ADAP1: variants seen among roughly 807,000 people sequenced by gnomAD.
The protein encoded by ADAP1 is ArfGAP with dual PH domains 1.
A neutral mutation model predicts 54.9 loss-of-function variants in ADAP1; 31 were observed. The observed-to-expected ratio is 0.56, with a 90% CI of 0.42 to 0.76. The LOEUF (loss-of-function observed/expected upper bound fraction) is 0.76, where lower values mean the gene tolerates loss of function less well. ADAP1 is among the 30% of genes least tolerant of loss of function. ADAP1 has a pLI of 0.00. For missense variants in ADAP1, 535 were observed against 512.4 expected (o/e 1.04, Z -0.42); for synonymous variants, 313 against 202.6 (o/e 1.55, Z -4.63).
chr7:921,478 A>G (rs1846189659), intron 3 of ADAP1, among the ~76,000 whole-genome samples: 1 of 152,140 alleles, frequency 6.6e-6, no homozygotes, highest in African/African-American at 2.4e-5. Flanking sequence ...CACCACCACG[A>G]CTTGGTAATT....
chr7:950,571 T>C (rs1403360305), intron 1 of ADAP1, among the ~76,000 whole-genome samples: 8 of 151,468 alleles, frequency 5.3e-5, no homozygotes, highest in Admixed American at 3.9e-4. Context: ...AGACAGAAAG[T>C]TGAGGCCAGG....
At chr7:925,919 A>G in intron 3 of ADAP1, among the ~76,000 whole-genome samples, 1 of 152,174 alleles carries the variant, frequency 6.6e-6, no homozygotes, top group East Asian at 1.9e-4. Flanking sequence ...CCAGTGGGCC[A>G]ACACGTCTTT....
chr7:935,261 G>C, intron 2 of ADAP1, 114 bp downstream of exon 2: 4 of 1,423,068 alleles, frequency 2.8e-6, no homozygotes, highest in South Asian at 1.3e-5. Context: ...GGCCCCCAGA[G>C]TAGCCCAAGG....
intron 4 of ADAP1, among the ~76,000 whole-genome samples, chr7:909,460 A>G (rs1845631272): frequency 6.6e-6 from 1 of 152,088 alleles, no homozygotes; most frequent in African/African-American, 2.4e-5. Flanking sequence ...AGGACGCCGC[A>G]TTCCAGGGGC....
Position 905,176 on chromosome 7 carries a change from TG to T in ADAP1, c.389-5del, listed in dbSNP as rs747994460. 1.7e-5 allele frequency: 27 copies of T among 1,602,828 alleles called. No homozygotes were observed. The African/African-American group carries it at 2.9e-4, about 17-fold the overall frequency. On this transcript the variant is annotated splice_region_variant and splice_polypyrimidine_tract_variant and intron_variant, in intron 4 of 10. Coordinates refer to ENST00000265846, the MANE Select transcript of ADAP1 (RefSeq NM_006869.4). ...CAGAGAAAACCCTCACGGTACCCTG[TG>T]GGGGAAAGGGGACACGAGTCGGTGA...
intron 1 of ADAP1, among the ~76,000 whole-genome samples, chr7:947,774 G>A (rs1004126340): frequency 3.3e-5 from 5 of 151,752 alleles, no homozygotes; most frequent in African/African-American, 9.7e-5. Flanking sequence ...ACCCTGTGAC[G>A]CGTCGTGGGC....
chr7:926,603 A>G lies in ADAP1; in HGVS notation c.255T>C (p.Phe85=). ...SHGNDAARAR[F]ESKVPSFYYR... ...AGTAGAAGGAGGGTACTTTGGACTC[A>G]AACCTGGCTCTCGCGGCGTCGTTCC... Residue 85 remains phenylalanine (F), a synonymous_variant, in exon 3 of 11, where the codon TTT becomes TTC. Coordinates refer to ENST00000265846, the MANE Select transcript of ADAP1 (RefSeq NM_006869.4). This position sits in a 1 kb window ranked among gnomAD's most constrained non-coding sequence, Gnocchi z 4.6. The G allele has an allele frequency of 6.5e-7, 1 of 1,545,432 alleles. No individual in the cohort carries two copies. The highest frequency in any genetic ancestry group is 2.0e-5 in the Admixed American group (1 of 49,192).
At chr7:910,098 G>A (rs1010156535) in intron 4 of ADAP1, among the ~76,000 whole-genome samples, 4 of 152,212 alleles carry the variant, frequency 2.6e-5, no homozygotes, top group Non-Finnish European at 5.9e-5. Context: ...TGTGGGCGGG[G>A]ACGCCGGCCC....
intron 4 of ADAP1, among the ~76,000 whole-genome samples, chr7:915,169 C>T (rs1005646799): frequency 6.6e-6 from 1 of 151,892 alleles, no homozygotes; most frequent in African/African-American, 2.4e-5. Context: ...ACCCTGCTGC[C>T]AGGTAACACC....
At position 935,430 on chromosome 7, in the gene ADAP1, T is replaced by C. The variant is rs1846722016; in HGVS notation, c.158A>G (p.Gln53Arg). Residue 53 changes from glutamine (Q) to arginine (R), a missense_variant, in exon 2 of 11, where the codon CAG (glutamine) becomes CGG (arginine). Gln to Arg is a conservative substitution (Grantham distance 43). Transcript: ENST00000265846. ...SCSGIHRNIP[Q>R]VSKVKSVRLD... ...GCGGACGGACTTCACCTTGCTGACC[T>C]GGGGGATATTCCGGTGGATTCCCGA... is the stretch of plus-strand genomic sequence containing the variant. The C allele has an allele frequency of 1.5e-5, 23 of 1,560,446 alleles. No individual in the cohort carries two copies. Among genetic ancestry groups the C allele is most frequent in the Non-Finnish European group, 2.0e-5 (23 of 1,152,046 alleles).
chr7:931,454 C>T (rs1412526273), intron 2 of ADAP1, among the ~76,000 whole-genome samples: 1 of 152,132 alleles, frequency 6.6e-6, no homozygotes, highest in African/African-American at 2.4e-5. Flanking sequence ...GGACCTGGCA[C>T]CGCGGGAAAG....
chr7:913,876 G>A (rs925729513), intron 4 of ADAP1, among the ~76,000 whole-genome samples: 5 of 152,146 alleles, frequency 3.3e-5, no homozygotes, highest in Non-Finnish European at 5.9e-5. Context: ...TGGACATTGC[G>A]GTGAGCTGAG....
Position 900,659 on chromosome 7 carries a change from A to G in ADAP1, c.649-43T>C, listed in dbSNP as rs200779642. ...CACAGGCTTGGGCTGAGGAGGCTGC[A>G]GCGCTGGGGTCCCCACAGAGGGGCT... On this transcript the variant is annotated intron_variant, in intron 6 of 10. Coordinates refer to ENST00000265846, the MANE Select transcript of ADAP1 (RefSeq NM_006869.4). 803 of 1,480,612 alleles carry G rather than the reference A, an allele frequency of 5.4e-4. 7 individuals carry two copies. In the East Asian group the frequency reaches 0.016, roughly 29 times the overall value. 91.7% of individuals were successfully genotyped at this position (1,480,612 alleles called of 1,614,324 possible). A position where few individuals can be genotyped will look rare whatever the true frequency, so the allele number is the denominator to read the frequency against.
chr7:898,745 T>G lies in ADAP1; in HGVS notation c.*176A>C. 1.3e-5 allele frequency: 10 copies of G among 790,888 alleles called. No individual in the cohort carries two copies. The highest frequency in any genetic ancestry group is 1.6e-5 in the Non-Finnish European group (8 of 493,062). 49.0% of individuals were successfully genotyped at this position (790,888 alleles called of 1,614,324 possible). On this transcript the variant is annotated 3_prime_UTR_variant, in exon 11 of 11. Coordinates refer to ENST00000265846, the MANE Select transcript of ADAP1 (RefSeq NM_006869.4). Reference sequence around the variant, plus strand: ...GGCCCAGGGCCTGGGCTGCCTGCCTTGAGGTTCCAGAGAAGCATCCTGGAA... The same window carrying G: ...GGCCCAGGGCCTGGGCTGCCTGCCTGGAGGTTCCAGAGAAGCATCCTGGAA...
intron 1 of ADAP1, among the ~76,000 whole-genome samples, chr7:953,251 C>CGT (rs1027355359): frequency 1.3e-5 from 2 of 152,208 alleles, no homozygotes; most frequent in East Asian, 3.8e-4. Flanking sequence ...ATGGAAAGGC[C>CGT]GTGGGTCCTG....
chr7:935,339 G>T (rs370430900), intron 2 of ADAP1, 36 bp downstream of exon 2: 1 of 1,545,396 alleles, frequency 6.5e-7, no homozygotes, highest in South Asian at 1.2e-5. Context: ...GCCACCCGGG[G>T]ACTGCGCGGG....
chr7:928,299 C>T (rs1846455613), intron 2 of ADAP1, among the ~76,000 whole-genome samples: 1 of 151,888 alleles, frequency 6.6e-6, no homozygotes, highest in Middle Eastern at 3.2e-3. Flanking sequence ...CCCAAGAGGT[C>T]AAGGCTATGA....
intron 1 of ADAP1, 89 bp from the exon 2 acceptor site, chr7:935,594 C>T: frequency 6.7e-7 from 1 of 1,490,650 alleles, no homozygotes; most frequent in Non-Finnish European, 9.0e-7. Context: ...AGCCCCCGGC[C>T]ATGCAGTGGG....
At position 926,803 on chromosome 7, in the gene ADAP1, GGACACCATTT is replaced by G; in HGVS notation, c.214-169_214-160del. The G allele has an allele frequency of 1.4e-6, 1 of 730,428 alleles. No individual in the cohort carries two copies. Among genetic ancestry groups the G allele is most frequent in the Non-Finnish European group, 2.1e-6 (1 of 469,510 alleles). 45.2% of individuals were successfully genotyped at this position (730,428 alleles called of 1,614,324 possible). A position where few individuals can be genotyped will look rare whatever the true frequency, so the allele number is the denominator to read the frequency against. Reference sequence around the variant, plus strand: ...GGAACGCCACCTCCTCCTGCCCCAGGGACACCATTTCTGAGTGATCGACCCTCCCCTGGGA... The same window carrying G: ...GGAACGCCACCTCCTCCTGCCCCAGGCTGAGTGATCGACCCTCCCCTGGGA... On this transcript the variant is annotated intron_variant, in intron 2 of 10. Coordinates refer to ENST00000265846, the MANE Select transcript of ADAP1 (RefSeq NM_006869.4). This position sits in a 1 kb window ranked among gnomAD's most constrained non-coding sequence, Gnocchi z 4.6.
Sources: allele counts gnomAD v4.1 joint callset (sites outside exome capture counted in the v4.1 genomes callset), GRCh38; gene constraint gnomAD v4.1.1; non-coding constraint Gnocchi (gnomAD v3.1); transcripts MANE v1.5; gene names NCBI Gene and HGNC (gene_info 2026-07-23, HGNC 2026-07-21).